SAMTOR: variants seen among roughly 807,000 people sequenced by gnomAD.
SAMTOR encodes S-adenosylmethionine sensor upstream of mTORC1.
At chr7:112,892,594 TTC>T in the SAMTOR span, among the ~76,000 whole-genome samples, 1 of 151,612 alleles carries the variant, frequency 6.6e-6, no homozygotes, top group Admixed American at 6.6e-5. Flanking sequence ...TATAGGGAGA[TTC>T]TCTCTCTATA....
the SAMTOR span, among the ~76,000 whole-genome samples, chr7:112,871,839 A>G: frequency 1.3e-5 from 2 of 152,328 alleles, no homozygotes; most frequent in African/African-American, 4.8e-5. Flanking sequence ...TCCCAAAGAA[A>G]TACAAGAGAT....
the SAMTOR span, among the ~76,000 whole-genome samples, chr7:112,930,973 A>G: frequency 6.6e-6 from 1 of 152,226 alleles, no homozygotes; most frequent in Non-Finnish European, 1.5e-5. Flanking sequence ...GCAACAGAGG[A>G]AAGTACACAG....
chr7:112,908,471 C>T, the SAMTOR span, among the ~76,000 whole-genome samples: 11 of 152,232 alleles, frequency 7.2e-5, no homozygotes, highest in African/African-American at 2.6e-4. Flanking sequence ...AGTTGTCAAA[C>T]TCGATAATCA....
At chr7:112,917,458 C>G in the SAMTOR span, among the ~76,000 whole-genome samples, 6 of 152,188 alleles carry the variant, frequency 3.9e-5, no homozygotes, top group Non-Finnish European at 8.8e-5. Context: ...ACATCACCAT[C>G]ATCACAGACC....
At chr7:112,868,715 G>A in the SAMTOR span, among the ~76,000 whole-genome samples, 2 of 152,222 alleles carry the variant, frequency 1.3e-5, no homozygotes, top group Admixed American at 1.3e-4. Context: ...GTCAGAGACT[G>A]GAGTGCTTGC....
the SAMTOR span, among the ~76,000 whole-genome samples, chr7:112,882,146 C>T: frequency 1.3e-5 from 2 of 152,356 alleles, no homozygotes; most frequent in Admixed American, 1.3e-4. Context: ...TGCCCCGCCA[C>T]AGCAGCTGGC....
the SAMTOR span, chr7:112,915,468 G>A: frequency 6.4e-7 from 1 of 1,556,368 alleles, no homozygotes; most frequent in Non-Finnish European, 8.7e-7. Context: ...AGTGATAAAT[G>A]AATTAAGTTT....
At chr7:112,825,873 TC>T in the SAMTOR span, among the ~76,000 whole-genome samples, 1 of 151,432 alleles carries the variant, frequency 6.6e-6, no homozygotes, top group African/African-American at 2.4e-5. Flanking sequence ...TTTTTTTAAA[TC>T]AGGAAAGTCC....
the SAMTOR span, among the ~76,000 whole-genome samples, chr7:112,920,723 CCTT>C: frequency 7.4e-5 from 11 of 148,066 alleles, no homozygotes; most frequent in African/African-American, 2.0e-4. Context: ...CCCAAAATCT[CCTT>C]AAGCTGATAA....
chr7:112,870,870 AC>A, the SAMTOR span, among the ~76,000 whole-genome samples: 2 of 152,148 alleles, frequency 1.3e-5, no homozygotes, highest in African/African-American at 2.4e-5. Flanking sequence ...ATAAAAAAAA[AC>A]AGGGGTCACT....
chr7:112,903,400 C>T, the SAMTOR span, among the ~76,000 whole-genome samples: 1 of 150,232 alleles, frequency 6.7e-6, no homozygotes, highest in Non-Finnish European at 1.5e-5. Flanking sequence ...AAAAAGGCTT[C>T]ACAACTAAGT....
chr7:112,939,670 C>T, the SAMTOR span: 4 of 1,613,478 alleles, frequency 2.5e-6, no homozygotes, highest in African/African-American at 4.0e-5. Context: ...GTTTCCGCTC[C>T]TGCTCCCGGG....
chr7:112,864,108 C>T, the SAMTOR span, among the ~76,000 whole-genome samples: 1 of 152,128 alleles, frequency 6.6e-6, no homozygotes, highest in Non-Finnish European at 1.5e-5. Context: ...GGACAATGGC[C>T]ATGGTGGCCA....
chr7:112,939,187 G>A, the SAMTOR span: 1 of 195,138 alleles, frequency 5.1e-6, no homozygotes, highest in African/African-American at 2.4e-5. Context: ...GGACAACTCA[G>A]GTTTCTTTTC....
At chr7:112,840,988 C>G in the SAMTOR span, among the ~76,000 whole-genome samples, 1 of 152,120 alleles carries the variant, frequency 6.6e-6, no homozygotes, top group East Asian at 1.9e-4. Context: ...ACTGAATAGG[C>G]AAAAACTGGA....
the SAMTOR span, among the ~76,000 whole-genome samples, chr7:112,860,455 C>T: frequency 1.3e-5 from 2 of 152,114 alleles, no homozygotes; most frequent in African/African-American, 4.8e-5. Context: ...GCTATTCGTT[C>T]CCTTATTGCA....
At chr7:112,848,442 A>G in the SAMTOR span, among the ~76,000 whole-genome samples, 1 of 152,190 alleles carries the variant, frequency 6.6e-6, no homozygotes, top group Non-Finnish European at 1.5e-5. Context: ...CCAGATACTC[A>G]AGAAATTAGT....
chr7:112,885,362 T>A, the SAMTOR span, among the ~76,000 whole-genome samples: 2 of 152,180 alleles, frequency 1.3e-5, no homozygotes, highest in African/African-American at 4.8e-5. Flanking sequence ...AGAAAACGGG[T>A]TTTTCTTTTC....
the SAMTOR span, among the ~76,000 whole-genome samples, chr7:112,862,089 C>G: frequency 6.6e-6 from 1 of 152,106 alleles, no homozygotes; most frequent in Middle Eastern, 3.4e-3. Flanking sequence ...AGCCCTGTCT[C>G]TACAAAAAAT....
Sources: gnomAD v4.1 joint callset for allele counts (sites outside exome capture counted in the v4.1 genomes callset) on GRCh38, gnomAD v4.1.1 for gene constraint, MANE v1.5 for transcripts, NCBI Gene and HGNC (gene_info 2026-07-23, HGNC 2026-07-21) for gene names.